Variants in MCC observed in about 807,000 individuals in gnomAD.
The protein encoded by MCC is MCC regulator of Wnt signaling pathway.
A neutral mutation model predicts 116.2 loss-of-function variants in MCC; 90 were observed. The ratio of observed to expected loss-of-function variants is 0.77; its 90% confidence interval spans 0.65 to 0.92. MCC has a LOEUF of 0.92. Ranked by LOEUF, MCC falls within the 40% of genes least tolerant of loss-of-function variation. The probability of loss-of-function intolerance (pLI) is 0.00; values close to 1 mark genes in which losing one functional copy is unlikely to be tolerated. For synonymous variants in MCC, 578 were observed against 510.5 expected, an observed-to-expected ratio of 1.13 and a Z score of -1.78; for missense variants, 1,516 against 1,312.2, an observed-to-expected ratio of 1.16 and a Z score of -2.40.
intron 2 of MCC, among the ~76,000 whole-genome samples, chr5:113,364,979 C>G (rs974218608): frequency 2.0e-5 from 3 of 152,208 alleles, no homozygotes; most frequent in African/African-American, 7.2e-5. Context: ...AGAGGGGCTG[C>G]TGTGCAGGTT....
At chr5:113,046,169 C>T (rs1230211618) in intron 16 of MCC, among the ~76,000 whole-genome samples, 1 of 151,952 alleles carries the variant, frequency 6.6e-6, no homozygotes, top group African/African-American at 2.4e-5. Flanking sequence ...AAAAAATCAT[C>T]TGGCCTTTTC....
intron 16 of MCC, among the ~76,000 whole-genome samples, chr5:113,047,787 A>G (rs140064241): frequency 6.6e-6 from 1 of 150,944 alleles, no homozygotes; most frequent in East Asian, 2.0e-4. Context: ...CCAACACAGT[A>G]TTTGGAAAAT....
chr5:113,029,973 C>T (rs1362745690), intron 17 of MCC, among the ~76,000 whole-genome samples: 1 of 152,198 alleles, frequency 6.6e-6, no homozygotes, highest in African/African-American at 2.4e-5. Flanking sequence ...GTGCTGAGCA[C>T]CGTGCCTGGG....
chr5:113,180,594 AC>A (rs1262491566), intron 3 of MCC, among the ~76,000 whole-genome samples: 1 of 152,150 alleles, frequency 6.6e-6, no homozygotes, highest in African/African-American at 2.4e-5. Context: ...TGACCACTTA[AC>A]AAAAATGCTT....
intron 3 of MCC, among the ~76,000 whole-genome samples, chr5:113,312,910 T>G (rs566886033): frequency 1.3e-5 from 2 of 152,342 alleles, no homozygotes; most frequent in East Asian, 3.9e-4. Flanking sequence ...AATGAGCCTG[T>G]GTCAAGCAAT....
intron 2 of MCC, among the ~76,000 whole-genome samples, chr5:113,347,816 A>C (rs1768171431): frequency 6.6e-6 from 1 of 152,066 alleles, no homozygotes; most frequent in Non-Finnish European, 1.5e-5. Flanking sequence ...CAAATGACCA[A>C]ATGACCTGTT....
At chr5:113,487,410 T>C (rs1423594343) in intron 1 of MCC, among the ~76,000 whole-genome samples, 1 of 152,230 alleles carries the variant, frequency 6.6e-6, no homozygotes, top group Non-Finnish European at 1.5e-5. Flanking sequence ...ATGTTGCGAT[T>C]GCCTTCTTCA....
chr5:113,462,170 T>C (rs1464470267), intron 1 of MCC, among the ~76,000 whole-genome samples: 1 of 152,244 alleles, frequency 6.6e-6, no homozygotes, highest in Non-Finnish European at 1.5e-5. Flanking sequence ...AGACCACTGG[T>C]AGAGCTAGGC....
intron 3 of MCC, among the ~76,000 whole-genome samples, chr5:113,227,757 G>A (rs1662961): frequency 0.17 from 25,872 of 152,104 alleles, 2,833 homozygotes; most frequent in South Asian, 0.25. Context: ...GGAGATGGAC[G>A]CCAAACACAT....
intron 11 of MCC, among the ~76,000 whole-genome samples, chr5:113,073,812 G>T (rs927580959): frequency 1.3e-5 from 2 of 152,314 alleles, no homozygotes; most frequent in East Asian, 3.9e-4. Context: ...AAACTGCAAG[G>T]CCACAGCGAG....
At chr5:113,284,347 G>A (rs1766165809) in intron 3 of MCC, among the ~76,000 whole-genome samples, 1 of 152,192 alleles carries the variant, frequency 6.6e-6, no homozygotes. Context: ...GGGGTGGCAG[G>A]TTGGTGTTTC....
chr5:113,295,818 C>T (rs1766694415), intron 3 of MCC, among the ~76,000 whole-genome samples: 2 of 152,278 alleles, frequency 1.3e-5, no homozygotes, highest in Admixed American at 6.5e-5. Context: ...TGCTTCAAAA[C>T]AGTAGGTCTG....
chr5:113,266,859 C>T (rs1168308007), intron 3 of MCC, among the ~76,000 whole-genome samples: 2 of 151,960 alleles, frequency 1.3e-5, no homozygotes, highest in African/African-American at 4.8e-5. Context: ...AGGTATCAGG[C>T]TCAAGGGAAC....
At chr5:113,140,604 T>C (rs1759119975) in intron 5 of MCC, among the ~76,000 whole-genome samples, 1 of 152,232 alleles carries the variant, frequency 6.6e-6, no homozygotes, top group Non-Finnish European at 1.5e-5. Context: ...TGACCTGAGA[T>C]AGAAAACTAT....
intron 1 of MCC, among the ~76,000 whole-genome samples, chr5:113,452,311 TGG>T (rs759351259): frequency 5.3e-5 from 8 of 152,230 alleles, no homozygotes; most frequent in Non-Finnish European, 8.8e-5. Context: ...CTATATGCTG[TGG>T]TCTCAGTGTT....
At chr5:113,147,018 G>GA (rs1050249569) in intron 4 of MCC, among the ~76,000 whole-genome samples, 3 of 152,028 alleles carry the variant, frequency 2.0e-5, no homozygotes, top group African/African-American at 4.8e-5. Context: ...GAAAGGAAAA[G>GA]AAAAAAATGA....
chr5:113,220,053 A>ATTTTT (rs1561466024), intron 3 of MCC, among the ~76,000 whole-genome samples: 1 of 62,860 alleles, frequency 1.6e-5, no homozygotes, highest in Non-Finnish European at 6.9e-5. Context: ...CTGCATGTCA[A>ATTTTT]TTTCTTTTTC....
intron 2 of MCC, among the ~76,000 whole-genome samples, chr5:113,373,799 C>T (rs1344667145): frequency 6.6e-6 from 1 of 152,220 alleles, no homozygotes; most frequent in Non-Finnish European, 1.5e-5. Context: ...AGATTTGCCA[C>T]ATAAAAGCTA....
chr5:113,373,183 A>C (rs1768883314), intron 2 of MCC, among the ~76,000 whole-genome samples: 1 of 146,324 alleles, frequency 6.8e-6, no homozygotes, highest in Non-Finnish European at 1.5e-5. Context: ...CCTCTCAAAA[A>C]AAAATAAAAT....
Sources: allele counts gnomAD v4.1 joint callset (sites outside exome capture counted in the v4.1 genomes callset), GRCh38; gene constraint gnomAD v4.1.1; transcripts MANE v1.5; gene names NCBI Gene and HGNC (gene_info 2026-07-23, HGNC 2026-07-21).